FARP1: variants seen among roughly 807,000 people sequenced by gnomAD.
The protein encoded by FARP1 is FERM, ARH/RhoGEF and pleckstrin domain protein 1, also known as FERM, ARHGEF and pleckstrin domain-containing protein 1.
A neutral mutation model predicts 128.8 loss-of-function variants in FARP1; 52 were observed. The ratio of observed to expected loss-of-function variants is 0.40; its 90% confidence interval spans 0.32 to 0.51. FARP1 has a LOEUF of 0.51. Ranked by LOEUF, FARP1 falls within the 20% of genes least tolerant of loss-of-function variation. The pLI is 0.45. For synonymous variants in FARP1, 580 were observed against 551.8 expected, an observed-to-expected ratio of 1.05 and a Z score of -0.72; for missense variants, 1,333 against 1,367.9, an observed-to-expected ratio of 0.97 and a Z score of 0.40.
intron 3 of FARP1, among the ~76,000 whole-genome samples, chr13:98,363,002 C>G (rs1888935314): frequency 6.6e-6 from 1 of 152,254 alleles, no homozygotes; most frequent in South Asian, 2.1e-4. Flanking sequence ...ACCGTCCTGT[C>G]TTGCCTGGAC....
At position 98,448,400 on chromosome 13, in the gene FARP1, T is replaced by A; in HGVS notation, c.*83T>A. The A allele has an allele frequency of 9.0e-7, 1 of 1,111,976 alleles. No homozygotes were observed. The highest frequency in any genetic ancestry group is 1.4e-6 in the Non-Finnish European group (1 of 728,934). The allele number at this position is 1,111,976 out of a possible 1,614,324, so 68.9% of individuals were successfully genotyped here. A position where few individuals can be genotyped will look rare whatever the true frequency, so the allele number is the denominator to read the frequency against. On this transcript the variant is annotated 3_prime_UTR_variant, in exon 27 of 27. Coordinates refer to ENST00000319562, the MANE Select transcript of FARP1 (RefSeq NM_005766.4). ...CTGTATTAATGAAGCCTGGTAAAATTAACACCTGTCTGAAAATCAAAAACA... is the reference window on the plus strand; with the variant it reads ...CTGTATTAATGAAGCCTGGTAAAATAAACACCTGTCTGAAAATCAAAAACA...
At chr13:98,446,602 G>C in intron 25 of FARP1, 64 bp from the exon 26 acceptor site, 1 of 1,546,394 alleles carries the variant, frequency 6.5e-7, no homozygotes. Context: ...ATGCGGGGCA[G>C]CAGCCAGGCC....
chr13:98,144,699 C>G lies in FARP1; in HGVS notation c.-24+1207C>G, dbSNP rs151032859. On this transcript the variant is annotated intron_variant, in intron 1 of 26. Coordinates refer to ENST00000319562, the MANE Select transcript of FARP1 (RefSeq NM_005766.4). Reference sequence around the variant, plus strand: ...CAGAACATCCTCCAGCATTGTCTTGCTTTTCTTATTCAGTCTGAACAAGGA... The same window carrying G: ...CAGAACATCCTCCAGCATTGTCTTGGTTTTCTTATTCAGTCTGAACAAGGA... 8.5e-5 allele frequency among the ~76,000 whole-genome samples: 13 copies of G among 152,306 alleles called. 1 individual carries two copies. The highest frequency in any genetic ancestry group is 3.1e-4 in the African/African-American group (13 of 41,566).
chr13:98,435,533 C>G, intron 18 of FARP1, 43 bp from the exon 19 acceptor site: 2 of 1,571,990 alleles, frequency 1.3e-6, no homozygotes, highest in Non-Finnish European at 1.7e-6. Flanking sequence ...AAGACCCCTG[C>G]CTGCCTTTCC....
intron 2 of FARP1, among the ~76,000 whole-genome samples, chr13:98,304,773 A>G (rs1886069320): frequency 6.6e-6 from 1 of 152,228 alleles, no homozygotes; most frequent in Non-Finnish European, 1.5e-5. Flanking sequence ...TCTCTCTTCA[A>G]CTACTAAAAA....
chr13:98,209,035 G>T (rs1880483007), intron 1 of FARP1, among the ~76,000 whole-genome samples: 1 of 152,138 alleles, frequency 6.6e-6, no homozygotes, highest in South Asian at 2.1e-4. Context: ...TTGAGACAGA[G>T]TCTTGCTCTG....
chr13:98,350,892 T>C (rs1313632605), intron 3 of FARP1, among the ~76,000 whole-genome samples: 1 of 152,018 alleles, frequency 6.6e-6, no homozygotes, highest in Admixed American at 6.5e-5. Flanking sequence ...GAGGCAACAG[T>C]CACCTTCAGG....
At chr13:98,201,162 G>A (rs1482783521) in intron 1 of FARP1, among the ~76,000 whole-genome samples, 2 of 152,210 alleles carry the variant, frequency 1.3e-5, no homozygotes. Flanking sequence ...AACAGAACAG[G>A]CTGGGCACAG....
intron 2 of FARP1, among the ~76,000 whole-genome samples, chr13:98,298,268 T>C (rs1422576718): frequency 2.6e-5 from 4 of 152,258 alleles, no homozygotes; most frequent in Non-Finnish European, 4.4e-5. Context: ...GAAGACACCA[T>C]GGCTTGTGTT....
intron 2 of FARP1, among the ~76,000 whole-genome samples, chr13:98,214,207 A>T (rs1446810040): frequency 6.6e-6 from 1 of 152,142 alleles, no homozygotes; most frequent in African/African-American, 2.4e-5. Flanking sequence ...CTGCGGGAGG[A>T]TGAGAAGCTG....
intron 1 of FARP1, among the ~76,000 whole-genome samples, chr13:98,158,291 C>T (rs1876633101): frequency 6.6e-6 from 1 of 152,146 alleles, no homozygotes; most frequent in African/African-American, 2.4e-5. Context: ...TAAGCTAAGC[C>T]TGCTACACAT....
chr13:98,371,417 G>A (rs1889322754), intron 5 of FARP1, among the ~76,000 whole-genome samples: 1 of 152,092 alleles, frequency 6.6e-6, no homozygotes, highest in Non-Finnish European at 1.5e-5. Flanking sequence ...AATTCCTAAA[G>A]TTACACGAGC....
At chr13:98,278,623 A>C (rs1181498332) in intron 2 of FARP1, among the ~76,000 whole-genome samples, 1 of 152,184 alleles carries the variant, frequency 6.6e-6, no homozygotes, top group Admixed American at 6.5e-5. Context: ...ACCACTACTC[A>C]TCAGTAAACC....
At chr13:98,179,811 C>T (rs1594238318) in intron 1 of FARP1, among the ~76,000 whole-genome samples, 1 of 152,098 alleles carries the variant, frequency 6.6e-6, no homozygotes, top group Non-Finnish European at 1.5e-5. Flanking sequence ...GAGCCGAGAT[C>T]AAGCCACTGC....
chr13:98,170,930 G>T (rs1303771616), intron 1 of FARP1, among the ~76,000 whole-genome samples: 2 of 151,760 alleles, frequency 1.3e-5, no homozygotes, highest in Non-Finnish European at 2.9e-5. Context: ...TGTGCACATG[G>T]ATGGGGCTTG....
In FARP1 at chr13:98,176,462, A is replaced by C. The variant is rs766335721; in HGVS notation, c.-24+32970A>C. 6.2e-7 allele frequency: 1 copy of C among 1,614,250 alleles called. No homozygotes were observed. Among genetic ancestry groups the C allele is most frequent in the Admixed American group, 1.7e-5 (1 of 60,028 alleles). ...ACTGGGTTTTGGAAGGCCTGGCGAC[A>C]TATGAAACACCTGAATGGTATTTCC... On this transcript the variant is annotated intron_variant, in intron 1 of 26. Coordinates refer to ENST00000319562, the MANE Select transcript of FARP1 (RefSeq NM_005766.4). The surrounding 1 kb of genome is among the most constrained non-coding windows in gnomAD (Gnocchi z 6.2).
chr13:98,326,015 T>C (rs1348909230), intron 2 of FARP1, among the ~76,000 whole-genome samples: 9 of 152,240 alleles, frequency 5.9e-5, no homozygotes, highest in Non-Finnish European at 1.3e-4. Flanking sequence ...ATATAATAAA[T>C]GCTTCTGAAA....
chr13:98,211,931 T>G (rs1880741569), intron 1 of FARP1, among the ~76,000 whole-genome samples: 1 of 152,208 alleles, frequency 6.6e-6, no homozygotes, highest in East Asian at 1.9e-4. Flanking sequence ...GAGATTGGGT[T>G]CCTGCTTTAA....
chr13:98,412,870 A>C (rs1891241863), intron 16 of FARP1, among the ~76,000 whole-genome samples: 1 of 152,242 alleles, frequency 6.6e-6, no homozygotes, highest in African/African-American at 2.4e-5. Context: ...GAAAAATGCC[A>C]GGAGAAAATA....
Sources: gnomAD v4.1 joint callset for allele counts (sites outside exome capture counted in the v4.1 genomes callset) on GRCh38, gnomAD v4.1.1 for gene constraint, Gnocchi (gnomAD v3.1) non-coding constraint, MANE v1.5 for transcripts, NCBI Gene and HGNC (gene_info 2026-07-23, HGNC 2026-07-21) for gene names.